Variants in TRAPPC9 observed in about 807,000 individuals in gnomAD.
TRAPPC9 encodes the protein trafficking protein particle complex subunit 9.
TRAPPC9 carries 83 observed loss-of-function variants against 124.0 expected under a neutral mutation model. That is an observed-to-expected ratio of 0.67 (90% CI 0.56 to 0.80). The LOEUF is 0.80. Among genes scored for constraint, TRAPPC9 ranks in the 30% least tolerant of loss-of-function variants. TRAPPC9 has a pLI of 0.00. For missense variants in TRAPPC9, 1,302 were observed against 1,508.3 expected (o/e 0.86, Z 2.27); for synonymous variants, 638 against 617.5 (o/e 1.03, Z -0.49).
chr8:140,251,675 G>T (rs567848090), intron 16 of TRAPPC9, among the ~76,000 whole-genome samples: 1 of 152,312 alleles, frequency 6.6e-6, no homozygotes, highest in East Asian at 1.9e-4. Flanking sequence ...AGGAGGTGGG[G>T]CCTTTGGGAG....
chr8:139,818,590 A>G (rs1407420052), intron 21 of TRAPPC9, among the ~76,000 whole-genome samples: 1 of 152,114 alleles, frequency 6.6e-6, no homozygotes, highest in Non-Finnish European at 1.5e-5. Context: ...AAAAAAAGAA[A>G]GAAAAAAATA....
chr8:140,024,221 A>ACCCCGGCGGGTACCGACTCACAC, intron 17 of TRAPPC9, 142 bp from the exon 18 acceptor site: 2 of 1,077,358 alleles, frequency 1.9e-6, no homozygotes, highest in Middle Eastern at 2.1e-4. Flanking sequence ...CCGACTCACA[A>ACCCCGGCGGGTACCGACTCACAC]CCCCGGCGGG....
In TRAPPC9 at chr8:139,808,092, T is replaced by C. The variant is rs188186876; in HGVS notation, c.3056-75890A>G. On this transcript the variant is annotated intron_variant, in intron 21 of 22. Transcript: ENST00000438773. ...AGGATCACAGAGGAGTGCAAGTGGG[T>C]GCGGCCTGACCCATTATTAACTATT... 5.9e-5 allele frequency among the ~76,000 whole-genome samples: 9 copies of C among 152,340 alleles called. No individual in the cohort carries two copies. The East Asian group carries it at 1.7e-3, about 29-fold the overall frequency.
intron 16 of TRAPPC9, among the ~76,000 whole-genome samples, chr8:140,232,982 G>A (rs1158511928): frequency 6.6e-6 from 1 of 152,184 alleles, no homozygotes; most frequent in South Asian, 2.1e-4. Flanking sequence ...AGTGTTTCGT[G>A]TGTTCTTCAC....
At chr8:139,959,141 C>T (rs190129656) in intron 19 of TRAPPC9, among the ~76,000 whole-genome samples, 22 of 150,770 alleles carry the variant, frequency 1.5e-4, no homozygotes, top group African/African-American at 5.1e-4. Flanking sequence ...CCAGCTTGGC[C>T]ACTTTCTGAC....
intron 17 of TRAPPC9, among the ~76,000 whole-genome samples, chr8:140,045,289 C>T (rs189627595): frequency 4.6e-5 from 7 of 152,164 alleles, no homozygotes; most frequent in African/African-American, 9.7e-5. Flanking sequence ...CTGCCTGCTG[C>T]GGGCTGTGAG....
At chr8:140,056,012 C>T (rs118111420) in intron 17 of TRAPPC9, among the ~76,000 whole-genome samples, 2,055 of 151,884 alleles carry the variant, frequency 0.014, 19 homozygotes, top group Non-Finnish European at 0.024. Flanking sequence ...TCATATGGAA[C>T]CATTATGAAC....
intron 9 of TRAPPC9, among the ~76,000 whole-genome samples, chr8:140,354,456 A>T (rs906543060): frequency 6.6e-6 from 1 of 152,226 alleles, no homozygotes; most frequent in African/African-American, 2.4e-5. Flanking sequence ...TGGAGAACTC[A>T]GAGCCTTTCC....
At chr8:140,201,574 C>G (rs763346160) in intron 17 of TRAPPC9, among the ~76,000 whole-genome samples, 69 of 152,168 alleles carry the variant, frequency 4.5e-4, no homozygotes, top group Non-Finnish European at 8.4e-4. Context: ...TACAAAATAT[C>G]TTTGATTCCC....
At chr8:140,259,578 C>T (rs2064351836) in intron 15 of TRAPPC9, among the ~76,000 whole-genome samples, 1 of 152,244 alleles carries the variant, frequency 6.6e-6, no homozygotes, top group South Asian at 2.1e-4. Flanking sequence ...GCAGAATCAA[C>T]AAGTTGACGG....
chr8:140,146,861 A>C (rs2061470851), intron 17 of TRAPPC9, among the ~76,000 whole-genome samples: 1 of 110,078 alleles, frequency 9.1e-6, no homozygotes, highest in African/African-American at 5.2e-5. Context: ...TCAGTTTTCT[A>C]ACCAAAAAAA....
At chr8:140,398,493 G>A (rs561801319) in intron 6 of TRAPPC9, among the ~76,000 whole-genome samples, 57 of 152,290 alleles carry the variant, frequency 3.7e-4, no homozygotes, top group Non-Finnish European at 3.1e-4. Flanking sequence ...AGGTGGTCTC[G>A]GATGGAGATC....
chr8:140,196,154 A>C (rs375652459), intron 17 of TRAPPC9, among the ~76,000 whole-genome samples: 16 of 145,270 alleles, frequency 1.1e-4, no homozygotes, highest in African/African-American at 4.2e-4. Flanking sequence ...CACCATACAG[A>C]TCACACCTGT....
chr8:140,078,496 A>T (rs1443637022), intron 17 of TRAPPC9, among the ~76,000 whole-genome samples: 1 of 152,144 alleles, frequency 6.6e-6, no homozygotes, highest in African/African-American at 2.4e-5. Context: ...CAGATATGGG[A>T]CAGAAGGCCA....
rs1304474805 is a variant in TRAPPC9 at position 139,832,620 on chromosome 8, A to G, written c.3055+53259T>C. On this transcript the variant is annotated intron_variant, in intron 21 of 22. Transcript: ENST00000438773. ...AGGGCAGGTGTCATATTCTGGGGAA[A>G]GGTAAATAAAGGTCCGCCAGAGTGA... Among the ~76,000 whole-genome samples, 3 of 152,200 alleles carry G rather than the reference A, an allele frequency of 2.0e-5. 1 individual carries two copies. The highest frequency in any genetic ancestry group is 2.0e-4 in the Admixed American group (3 of 15,282).
At chr8:140,374,401 C>G (rs917836584) in intron 7 of TRAPPC9, among the ~76,000 whole-genome samples, 1 of 152,120 alleles carries the variant, frequency 6.6e-6, no homozygotes, top group Non-Finnish European at 1.5e-5. Context: ...GAAACCCCGT[C>G]TCTACTAAAA....
At chr8:140,083,306 A>G (rs1415829319) in intron 17 of TRAPPC9, among the ~76,000 whole-genome samples, 1 of 152,254 alleles carries the variant, frequency 6.6e-6, no homozygotes, top group Non-Finnish European at 1.5e-5. Flanking sequence ...TAATAAAATT[A>G]CAAATAAATG....
rs1294156927 is a variant in TRAPPC9, at chr8:140,284,014, A to G, written c.1989T>C (p.His663=). 3 of 1,614,094 alleles carry G rather than the reference A, an allele frequency of 1.9e-6. No homozygotes were observed. Among genetic ancestry groups the G allele is most frequent in the Non-Finnish European group, 2.5e-6 (3 of 1,179,974 alleles). Residue 663 remains histidine (H), a synonymous_variant, in exon 14 of 23, where the codon CAT becomes CAC. Transcript: ENST00000438773. ...CACTGAACACACCGAAGACCGTGGTATGGTAACCTGGAATAGAAAAGGAAC... is the reference window on the plus strand; with the variant it reads ...CACTGAACACACCGAAGACCGTGGTGTGGTAACCTGGAATAGAAAAGGAAC... The part of the protein sequence containing the change: ...TTGTITVNGY[H]TTVFGVFSDC...
intron 21 of TRAPPC9, among the ~76,000 whole-genome samples, chr8:139,778,190 T>C (rs1821529273): frequency 6.6e-6 from 1 of 152,040 alleles, no homozygotes; most frequent in African/African-American, 2.4e-5. Flanking sequence ...CCCATCAGAA[T>C]TCATAAGGCA....
Sources: gnomAD v4.1 joint callset for allele counts (sites outside exome capture counted in the v4.1 genomes callset) on GRCh38, gnomAD v4.1.1 for gene constraint, MANE v1.5 for transcripts, NCBI Gene and HGNC (gene_info 2026-07-23, HGNC 2026-07-21) for gene names.